CTNNA2: variants seen among roughly 807,000 people sequenced by gnomAD.
CTNNA2 encodes the protein catenin alpha-2.
CTNNA2 carries 42 observed loss-of-function variants against 101.0 expected under a neutral mutation model. The ratio of observed to expected loss-of-function variants is 0.42; its 90% CI spans 0.32 to 0.54. The LOEUF (loss-of-function observed/expected upper bound fraction) is 0.54. Ranked by LOEUF, CTNNA2 falls within the 20% of genes least tolerant of loss-of-function variation. The pLI is 0.14. For synonymous variants in CTNNA2, 450 were observed against 456.4 expected (o/e 0.99, Z 0.18); for missense variants, 871 against 1,223.1 (o/e 0.71, Z 4.29).
At chr2:80,475,534 C>A (rs540061359) in intron 9 of CTNNA2, among the ~76,000 whole-genome samples, 1 of 152,086 alleles carries the variant, frequency 6.6e-6, no homozygotes, top group East Asian at 1.9e-4. Flanking sequence ...TATAAATATC[C>A]CTTGTGTGGG....
intron 2 of CTNNA2, among the ~76,000 whole-genome samples, chr2:79,270,674 T>A (rs1251729970): frequency 6.6e-6 from 1 of 152,092 alleles, no homozygotes; most frequent in African/African-American, 2.4e-5. Flanking sequence ...ACCCTCAGGG[T>A]GAGCATAATC....
chr2:79,864,027 C>G (rs117082404), intron 4 of CTNNA2, among the ~76,000 whole-genome samples: 3 of 152,166 alleles, frequency 2.0e-5, no homozygotes, highest in African/African-American at 4.8e-5. Context: ...GGAACCAAAC[C>G]CTTTCCTCTG....
chr2:79,976,820 G>A (rs1307002856), intron 7 of CTNNA2, among the ~76,000 whole-genome samples: 2 of 152,202 alleles, frequency 1.3e-5, no homozygotes, highest in Non-Finnish European at 2.9e-5. Flanking sequence ...GCACAGCCAC[G>A]ATAATGCAGA....
intron 2 of CTNNA2, among the ~76,000 whole-genome samples, chr2:79,232,460 C>T (rs182550966): frequency 2.0e-5 from 3 of 152,026 alleles, no homozygotes; most frequent in South Asian, 2.1e-4. Context: ...TTCAGTTTGT[C>T]GAGTACCTAT....
At chr2:79,514,377 C>T (rs932741119) in intron 1 of CTNNA2, among the ~76,000 whole-genome samples, 1 of 152,104 alleles carries the variant, frequency 6.6e-6, no homozygotes, top group African/African-American at 2.4e-5. Flanking sequence ...CTCGTAGGAC[C>T]CCTGAAGATG....
At chr2:80,078,558 A>G (rs1573012349) in intron 7 of CTNNA2, among the ~76,000 whole-genome samples, 1 of 152,176 alleles carries the variant, frequency 6.6e-6, no homozygotes, top group Non-Finnish European at 1.5e-5. Flanking sequence ...TGTATGGTGT[A>G]TGGGTTGCAG....
intron 2 of CTNNA2, among the ~76,000 whole-genome samples, chr2:79,214,919 G>A (rs1674228759): frequency 6.6e-6 from 1 of 152,002 alleles, no homozygotes; most frequent in East Asian, 1.9e-4. Flanking sequence ...AGTTCTGGAG[G>A]CAAGGGAAAC....
In CTNNA2 at chr2:80,103,846, C is replaced by T. The variant is rs528007523; in HGVS notation, c.1056+194049C>T. Among the ~76,000 whole-genome samples, 8 of 152,224 alleles carry T rather than the reference C, an allele frequency of 5.3e-5. No individual in the cohort carries two copies. The South Asian group carries it at 6.2e-4, about 12-fold the overall frequency. On this transcript the variant is annotated intron_variant, in intron 7 of 18. Transcript: ENST00000402739. ...GCCTCCCGGGTTCAAGTGATTCTCT[C>T]GCCTCAGTCTCCTGAGTAGCTGGGA... is the stretch of plus-strand genomic sequence containing the variant.
intron 2 of CTNNA2, among the ~76,000 whole-genome samples, chr2:79,735,477 G>A (rs944839485): frequency 6.6e-6 from 1 of 151,966 alleles, no homozygotes; most frequent in Non-Finnish European, 1.5e-5. Flanking sequence ...TTTAATATAC[G>A]TATGACTGGC....
intron 9 of CTNNA2, among the ~76,000 whole-genome samples, chr2:80,540,518 A>G (rs998231334): frequency 6.6e-6 from 1 of 151,182 alleles, no homozygotes; most frequent in Non-Finnish European, 1.5e-5. Context: ...AATCACTTGA[A>G]CCTGGGAGGT....
At chr2:80,440,952 A>G (rs72914946) in intron 9 of CTNNA2, among the ~76,000 whole-genome samples, 35,951 of 152,034 alleles carry the variant, frequency 0.24, 6,434 homozygotes, top group African/African-American at 0.51. Flanking sequence ...GTTTCTCTCC[A>G]CCATCCTCTC....
chr2:79,611,085 A>G (rs1261682743), intron 1 of CTNNA2, among the ~76,000 whole-genome samples: 6 of 152,176 alleles, frequency 3.9e-5, no homozygotes, highest in African/African-American at 1.4e-4. Context: ...TGTATACCTA[A>G]TGAATATATA....
intron 8 of CTNNA2, among the ~76,000 whole-genome samples, chr2:80,404,204 C>A (rs1266681437): frequency 6.6e-6 from 1 of 152,088 alleles, no homozygotes; most frequent in African/African-American, 2.4e-5. Context: ...TTATAGTATT[C>A]TCTGATGGTT....
intron 2 of CTNNA2, among the ~76,000 whole-genome samples, chr2:79,659,366 G>A (rs989829755): frequency 1.6e-4 from 24 of 152,108 alleles, no homozygotes; most frequent in African/African-American, 5.5e-4. Context: ...TCATTATTGA[G>A]AGTCACCTTA....
chr2:79,563,307 TC>T (rs1674909648), intron 1 of CTNNA2, among the ~76,000 whole-genome samples: 1 of 151,906 alleles, frequency 6.6e-6, no homozygotes, highest in Non-Finnish European at 1.5e-5. Flanking sequence ...GGTTTTTTGG[TC>T]CAGATAGACA....
chr2:80,082,242 G>A (rs1368483916), intron 7 of CTNNA2, among the ~76,000 whole-genome samples: 1 of 151,998 alleles, frequency 6.6e-6, no homozygotes, highest in Admixed American at 6.6e-5. Context: ...TATTTTTGGT[G>A]GTTTCGTTTA....
intron 3 of CTNNA2, among the ~76,000 whole-genome samples, chr2:79,746,410 A>G (rs1671649909): frequency 6.6e-6 from 1 of 152,166 alleles, no homozygotes; most frequent in Non-Finnish European, 1.5e-5. Flanking sequence ...ATTTTGGTGT[A>G]GTCCTATGCA....
At chr2:79,286,719 G>A (rs1197546440) in intron 2 of CTNNA2, among the ~76,000 whole-genome samples, 1 of 151,994 alleles carries the variant, frequency 6.6e-6, no homozygotes, top group African/African-American at 2.4e-5. Flanking sequence ...TGGTGAATCT[G>A]ACAATTATGT....
intron 3 of CTNNA2, among the ~76,000 whole-genome samples, chr2:79,832,813 A>C (rs1421343205): frequency 6.6e-6 from 1 of 152,208 alleles, no homozygotes; most frequent in African/African-American, 2.4e-5. Flanking sequence ...TGGTTATTCA[A>C]GAGTGCCAGT....
Sources: gnomAD v4.1 joint callset for allele counts (sites outside exome capture counted in the v4.1 genomes callset) on GRCh38, gnomAD v4.1.1 for gene constraint, MANE v1.5 for transcripts, NCBI Gene and HGNC (gene_info 2026-07-23, HGNC 2026-07-21) for gene names.